Variants in PREX1 observed in about 807,000 individuals in gnomAD.
PREX1 encodes phosphatidylinositol 3,4,5-trisphosphate-dependent Rac exchanger 1 protein.
In PREX1, 41 loss-of-function variants were observed where a neutral mutation model predicts 198.3. The ratio of observed to expected loss-of-function variants is 0.21; its 90% CI spans 0.16 to 0.27. PREX1 has a LOEUF of 0.27. PREX1 is among the 10% of genes least tolerant of loss of function. The pLI, the probability that PREX1 is intolerant of heterozygous loss-of-function variation, is 1.00. For synonymous variants in PREX1, 843 were observed against 887.2 expected (o/e 0.95, Z 0.89); for missense variants, 1,620 against 2,200.7 (o/e 0.74, Z 5.28).
At chr20:48,630,878 A>G (rs769528861) in intron 35 of PREX1, 84 bp from the exon 36 acceptor site, 12 of 1,033,426 alleles carry the variant, frequency 1.2e-5, no homozygotes, top group Non-Finnish European at 1.8e-5. Flanking sequence ...TCCTGCAGCC[A>G]CCGTGACTCC....
upstream of PREX1, chr20:48,828,002 G>T (rs2090518238): frequency 5.3e-6 from 1 of 187,884 alleles, no homozygotes; most frequent in Non-Finnish European, 9.6e-6. Context: ...GCGGGACTGG[G>T]GGCCGGGCGG....
chr20:48,868,168 A>G, the PREX1 span, among the ~76,000 whole-genome samples: 1 of 152,220 alleles, frequency 6.6e-6, no homozygotes, highest in Non-Finnish European at 1.5e-5. Flanking sequence ...AAATGGTAAC[A>G]GACACTGGTG....
upstream of PREX1, among the ~76,000 whole-genome samples, chr20:48,831,772 C>G (rs1025857036): frequency 1.1e-4 from 16 of 152,346 alleles, no homozygotes; most frequent in South Asian, 8.3e-4. Context: ...ACCTCCAGGA[C>G]TCTGCCTCAG....
intron 25 of PREX1, among the ~76,000 whole-genome samples, 161 bp downstream of exon 25, chr20:48,649,139 G>A (rs1041073307): frequency 2.6e-5 from 4 of 152,120 alleles, no homozygotes; most frequent in Admixed American, 6.5e-5. Context: ...GGGTGCTACT[G>A]GCAGCTAGTG....
At chr20:48,848,689 C>G in the PREX1 span, among the ~76,000 whole-genome samples, 1 of 152,186 alleles carries the variant, frequency 6.6e-6, no homozygotes, top group Non-Finnish European at 1.5e-5. Flanking sequence ...GATGCTGCTT[C>G]GCAGACGTTT....
chr20:48,880,981 TAA>T, the PREX1 span, among the ~76,000 whole-genome samples: 83 of 20,958 alleles, frequency 4.0e-3, no homozygotes, highest in African/African-American at 0.019. Flanking sequence ...AAACCATTGC[TAA>T]AAAAAAAAAA....
intron 15 of PREX1, among the ~76,000 whole-genome samples, chr20:48,661,356 T>C (rs1274818957): frequency 5.3e-5 from 7 of 132,720 alleles, no homozygotes; most frequent in East Asian, 2.3e-4. Flanking sequence ...GAGGTGGAGG[T>C]TGCAGTGAGC....
intron 9 of PREX1, 28 bp downstream of exon 9, chr20:48,690,919 A>C: frequency 6.2e-7 from 1 of 1,612,756 alleles, no homozygotes; most frequent in South Asian, 1.1e-5. Context: ...CAGGGATCCC[A>C]GGCGAGCACC....
chr20:48,654,966 G>A (rs1308652401), intron 19 of PREX1, among the ~76,000 whole-genome samples: 1 of 152,236 alleles, frequency 6.6e-6, no homozygotes, highest in East Asian at 1.9e-4. Context: ...CAAGTCTGGT[G>A]AGAGTGGACC....
intron 18 of PREX1, chr20:48,656,604 C>T (rs955090858): frequency 2.0e-5 from 9 of 454,202 alleles, no homozygotes; most frequent in South Asian, 3.1e-5. Flanking sequence ...TTGACTCCCC[C>T]CTCATCTGCT....
intron 1 of PREX1, among the ~76,000 whole-genome samples, chr20:48,810,802 A>G (rs2090430583): frequency 6.7e-6 from 1 of 150,334 alleles, no homozygotes; most frequent in South Asian, 2.1e-4. Context: ...TAGAAGAATC[A>G]CTTGAACCCG....
At chr20:48,654,330 T>G (rs1202167439) in intron 19 of PREX1, among the ~76,000 whole-genome samples, 1 of 152,256 alleles carries the variant, frequency 6.6e-6, no homozygotes, top group African/African-American at 2.4e-5. Flanking sequence ...TCTTTGCCTA[T>G]GAACACCTAT....
chr20:48,778,291 T>C (rs901440571), intron 1 of PREX1, among the ~76,000 whole-genome samples: 1 of 152,140 alleles, frequency 6.6e-6, no homozygotes, highest in Non-Finnish European at 1.5e-5. Context: ...AGAATTATTA[T>C]GGCCAGGCAC....
intron 1 of PREX1, among the ~76,000 whole-genome samples, chr20:48,758,474 G>C (rs775994891): frequency 6.6e-6 from 1 of 152,188 alleles, no homozygotes. Context: ...CCGAGCTTGG[G>C]GGGGTGAAAG....
At chr20:48,762,769 C>G (rs1568854912) in intron 1 of PREX1, among the ~76,000 whole-genome samples, 1 of 147,714 alleles carries the variant, frequency 6.8e-6, no homozygotes, top group Non-Finnish European at 1.5e-5. Flanking sequence ...GTGGCACCAT[C>G]TCAGCTCACT....
chr20:48,648,529 C>T (rs2089467899), intron 25 of PREX1, among the ~76,000 whole-genome samples: 1 of 152,172 alleles, frequency 6.6e-6, no homozygotes, highest in Admixed American at 6.5e-5. Flanking sequence ...TTTACACAGA[C>T]CACACTGCTC....
chr20:48,750,593 C>T (rs2090129833), intron 1 of PREX1, among the ~76,000 whole-genome samples: 1 of 152,156 alleles, frequency 6.6e-6, no homozygotes, highest in African/African-American at 2.4e-5. Flanking sequence ...GCTGTTCCTG[C>T]TTGCAAGATG....
chr20:48,783,047 C>T (rs775959020), intron 1 of PREX1, among the ~76,000 whole-genome samples: 3 of 152,212 alleles, frequency 2.0e-5, no homozygotes, highest in Non-Finnish European at 2.9e-5. Flanking sequence ...GTTTACACAG[C>T]GCTGCCACTC....
chr20:48,867,528 C>A, the PREX1 span, among the ~76,000 whole-genome samples: 4 of 152,238 alleles, frequency 2.6e-5, no homozygotes, highest in African/African-American at 9.7e-5. Context: ...TCAAAGGAGT[C>A]ATCCATCTTT....
Sources: gnomAD v4.1 joint callset for allele counts (sites outside exome capture counted in the v4.1 genomes callset) on GRCh38, gnomAD v4.1.1 for gene constraint, MANE v1.5 for transcripts, NCBI Gene and HGNC (gene_info 2026-07-23, HGNC 2026-07-21) for gene names.